The following CYP2J2 variants were observed in gnomAD, a reference collection of about 807,000 sequenced individuals.
CYP2J2 encodes the protein cytochrome P450 family 2 subfamily J member 2, also known as cytochrome P450 2J2.
CYP2J2 carries 41 observed loss-of-function variants against 48.8 expected under a neutral mutation model. The observed-to-expected ratio is 0.84, with a 90% CI of 0.66 to 1.09. The LOEUF is 1.09. Among genes scored for constraint, CYP2J2 ranks in the 50% least tolerant of loss-of-function variants. The pLI is 0.00. For synonymous variants in CYP2J2, 221 were observed against 227.1 expected (o/e 0.97, Z 0.24); for missense variants, 644 against 617.3 (o/e 1.04, Z -0.46).
At chr1:59,963,348 CCTT>C in the CYP2J2 span, among the ~76,000 whole-genome samples, 2 of 152,142 alleles carry the variant, frequency 1.3e-5, no homozygotes, top group Non-Finnish European at 2.9e-5. Context: ...AGCCATAACT[CCTT>C]CATCTCTCCT....
the CYP2J2 span, among the ~76,000 whole-genome samples, chr1:59,934,303 A>C: frequency 6.6e-6 from 1 of 152,216 alleles, no homozygotes; most frequent in Non-Finnish European, 1.5e-5. Context: ...CACAGGGGAA[A>C]GACTTCATAA....
rs750655796 is a variant in CYP2J2, at chr1:59,915,962, G to A, written c.349C>T (p.Arg117Ter). ...NFGNRPVTPMREHIFKKNGLI... is the reference protein window; with the variant it reads ...NFGNRPVTPM ...CCATTTTTCTTAAAGATATGTTCTC[G>A]CATAGGGGTCACGGGGCGGTTCCCA... The change falls in exon 2 of 9, where the codon CGA becomes TGA. Residue 117 changes from arginine to a stop codon, truncating the protein, a stop_gained. Transcript: ENST00000371204. LOFTEE classifies it high-confidence loss of function. 7.4e-6 allele frequency: 12 copies of A among 1,613,516 alleles called. No homozygotes were observed. The highest frequency in any genetic ancestry group is 3.3e-5 in the South Asian group (3 of 90,986).
At position 59,901,077 on chromosome 1, in the gene CYP2J2, C is replaced by T. The variant is rs146616290; in HGVS notation, c.1218G>A (p.Thr406=). Residue 406 remains threonine, a synonymous_variant, in exon 8 of 9, where the codon ACG becomes ACA. Transcript: ENST00000371204. The part of the protein sequence containing the change: ...PKGTMILTNL[T]ALHRDPTEWA... ...ACTCTGTGGGGTCCCTGTGCAGCGC[C>T]GTCAAATTGGTCAGGATCATGGTAC... 1.1e-4 allele frequency: 184 copies of T among 1,613,944 alleles called. No homozygotes were observed. Among genetic ancestry groups the T allele is most frequent in the Middle Eastern group, 9.9e-4 (6 of 6,056 alleles).
chr1:59,939,345 G>T, the CYP2J2 span, among the ~76,000 whole-genome samples: 11 of 152,172 alleles, frequency 7.2e-5, no homozygotes, highest in Non-Finnish European at 1.3e-4. Flanking sequence ...TAGAAGTAAT[G>T]CCTTGATGGT....
At chr1:59,904,175 ATCCTGG>A (rs1462507187) in intron 7 of CYP2J2, among the ~76,000 whole-genome samples, 1 of 152,180 alleles carries the variant, frequency 6.6e-6, no homozygotes, top group Non-Finnish European at 1.5e-5. Context: ...GATCCAGACC[ATCCTGG>A]CCAACCAACA....
chr1:59,928,955 T>C (rs1364736309), upstream of CYP2J2, among the ~76,000 whole-genome samples: 2 of 152,212 alleles, frequency 1.3e-5, no homozygotes, highest in Admixed American at 6.5e-5. Context: ...AGACTATTCC[T>C]GAGAAGAAGC....
intron 6 of CYP2J2, among the ~76,000 whole-genome samples, chr1:59,906,003 GGT>G (rs926072827): frequency 6.6e-6 from 1 of 152,100 alleles, no homozygotes; most frequent in African/African-American, 2.4e-5. Context: ...TGGCTAACAC[GGT>G]GAAATCCCAT....
At chr1:59,928,877 G>A (rs72925829), upstream of CYP2J2, among the ~76,000 whole-genome samples, 1,366 of 152,274 alleles carry the variant, frequency 9.0e-3, 19 homozygotes, top group African/African-American at 0.031. Context: ...TACCAAAGTC[G>A]GTCAGCACAA....
rs200329106 is a variant in CYP2J2 at position 59,915,920 on chromosome 1, G to A, written c.373+18C>T. 341 of 1,608,348 alleles carry A rather than the reference G, an allele frequency of 2.1e-4. 2 individuals carry two copies. In the South Asian group the frequency reaches 3.5e-3, roughly 17 times the overall value. ...TATCAACATCAAACACTCACCTTTC[G>A]TTGGCCAAGAAACTTACCATTTTTC... is the stretch of plus-strand genomic sequence containing the variant. On this transcript the variant is annotated intron_variant, in intron 2 of 8. Coordinates refer to ENST00000371204, the MANE Select transcript of CYP2J2 (RefSeq NM_000775.4).
chr1:59,903,844 A>C (rs1644341592), intron 7 of CYP2J2, among the ~76,000 whole-genome samples: 1 of 152,208 alleles, frequency 6.6e-6, no homozygotes. Context: ...CCAACTCTTC[A>C]TAGTTGAGAG....
At chr1:59,898,057 C>T (rs1254474442) in intron 8 of CYP2J2, among the ~76,000 whole-genome samples, 1 of 152,208 alleles carries the variant, frequency 6.6e-6, no homozygotes, top group East Asian at 1.9e-4. Flanking sequence ...TTTTTGCCTT[C>T]TATGAATTTC....
At chr1:59,917,593 T>G (rs1259137954) in intron 1 of CYP2J2, among the ~76,000 whole-genome samples, 2 of 150,938 alleles carry the variant, frequency 1.3e-5, no homozygotes, top group African/African-American at 4.9e-5. Context: ...AGTGACAGAG[T>G]GAAAGTAAGA....
rs1644499246 is a variant in CYP2J2 at position 59,919,953 on chromosome 1, A to T, written c.211-3853T>A. ...GAGGTAATACAAAGATCAATATGATATGATGTGTTCCTAAAGTGTCAAAGT... is the reference window on the plus strand; with the variant it reads ...GAGGTAATACAAAGATCAATATGATTTGATGTGTTCCTAAAGTGTCAAAGT... On this transcript the variant is annotated intron_variant, in intron 1 of 8. Coordinates refer to ENST00000371204, the MANE Select transcript of CYP2J2 (RefSeq NM_000775.4). Among the ~76,000 whole-genome samples, 3 of 152,168 alleles carry T rather than the reference A, an allele frequency of 2.0e-5. No individual in the cohort carries two copies. In the South Asian group the frequency reaches 6.2e-4, roughly 32 times the overall value.
chr1:59,959,505 A>T, the CYP2J2 span, among the ~76,000 whole-genome samples: 2 of 152,178 alleles, frequency 1.3e-5, no homozygotes, highest in Non-Finnish European at 2.9e-5. Context: ...ATATGAAGCC[A>T]GCCCAAATGC....
At chr1:59,967,532 C>T in the CYP2J2 span, among the ~76,000 whole-genome samples, 2 of 152,216 alleles carry the variant, frequency 1.3e-5, no homozygotes, top group African/African-American at 4.8e-5. Flanking sequence ...TGCTTGCCTG[C>T]ACCTGCCTTG....
At chr1:59,924,152 C>T (rs1179934995) in intron 1 of CYP2J2, among the ~76,000 whole-genome samples, 1 of 152,128 alleles carries the variant, frequency 6.6e-6, no homozygotes, top group East Asian at 1.9e-4. Context: ...GAAGCATAAA[C>T]TTTTAAAATG....
the CYP2J2 span, among the ~76,000 whole-genome samples, chr1:59,965,048 G>A: frequency 6.6e-6 from 1 of 152,200 alleles, no homozygotes; most frequent in African/African-American, 2.4e-5. Context: ...AGAATCTACT[G>A]ATAACATAAT....
chr1:59,919,690 C>T (rs1423192260), intron 1 of CYP2J2, among the ~76,000 whole-genome samples: 1 of 152,180 alleles, frequency 6.6e-6, no homozygotes, highest in Non-Finnish European at 1.5e-5. Context: ...TAGACCTGAT[C>T]TCTAGTAAAC....
At chr1:59,919,788 A>G (rs1192179099) in intron 1 of CYP2J2, among the ~76,000 whole-genome samples, 1 of 152,178 alleles carries the variant, frequency 6.6e-6, no homozygotes, top group Non-Finnish European at 1.5e-5. Flanking sequence ...TCCAAGAATA[A>G]TGGTCTCACA....
Sources: gnomAD v4.1 joint callset for allele counts (sites outside exome capture counted in the v4.1 genomes callset) on GRCh38, gnomAD v4.1.1 for gene constraint, MANE v1.5 for transcripts, NCBI Gene and HGNC (gene_info 2026-07-23, HGNC 2026-07-21) for gene names.